The following OR6N1 variants were observed in gnomAD, a reference collection of about 807,000 sequenced individuals.
OR6N1 encodes the protein olfactory receptor family 6 subfamily N member 1.
For synonymous variants in OR6N1, 170 were observed against 150.7 expected (o/e 1.13, Z -0.94); for missense variants, 394 against 371.7 (o/e 1.06, Z -0.49).
At position 158,766,423 on chromosome 1, in the gene OR6N1, C is replaced by G. The variant is rs143504576; in HGVS notation, c.260G>C (p.Ser87Thr). ...TIPKMLANLL[S>T]EKKTISFSGC... ...AGAGAATGAAATGGTCTTTTTCTCA[C>G]TGAGCAAGTTTGCCAGCATCTTAGG... Residue 87 changes from serine to threonine, a missense_variant, in exon 2 of 2, where the codon AGT becomes ACT. Physicochemically the swap from Ser to Thr is moderately conservative, Grantham distance 58. Transcript: ENST00000641846. 5 of 1,613,990 alleles carry G rather than the reference C, an allele frequency of 3.1e-6. No homozygotes were observed. The African/African-American group carries it at 6.7e-5, about 22-fold the overall frequency.
At chr1:158,826,660 A>G in the OR6N1 span, among the ~76,000 whole-genome samples, 1 of 152,218 alleles carries the variant, frequency 6.6e-6, no homozygotes, top group Non-Finnish European at 1.5e-5. Context: ...CCCAAAGGTG[A>G]CCTGTGATAG....
rs955907829 is a variant in OR6N1, at chr1:158,770,891, T to C, written c.-19+1130A>G. ...CTCTCCATTTTTGAAATGTTTTAGT[T>C]TACAACTGTCCTTTCCAATGACCAG... On this transcript the variant is annotated intron_variant, in intron 1 of 1. Transcript: ENST00000641846. Among the ~76,000 whole-genome samples, 4 of 152,316 alleles carry C rather than the reference T, an allele frequency of 2.6e-5. No individual in the cohort carries two copies. The South Asian group carries it at 8.3e-4, about 32-fold the overall frequency.
intron 1 of OR6N1, among the ~76,000 whole-genome samples, chr1:158,771,428 C>A (rs1657421428): frequency 6.6e-6 from 1 of 152,158 alleles, no homozygotes; most frequent in South Asian, 2.1e-4. Context: ...ATGACTTGTG[C>A]AGCTCTTTAG....
chr1:158,803,838 T>C, the OR6N1 span, among the ~76,000 whole-genome samples: 1 of 152,232 alleles, frequency 6.6e-6, no homozygotes, highest in Non-Finnish European at 1.5e-5. Context: ...GAACATTGTT[T>C]CTTCTCTTTT....
At chr1:158,774,491 A>C (rs936054348), upstream of OR6N1, 1 of 152,136 alleles carries the variant, frequency 6.6e-6, no homozygotes, top group East Asian at 1.9e-4. Context: ...CTCACTACAC[A>C]TGCCCCACAT....
chr1:158,816,369 T>A, the OR6N1 span, among the ~76,000 whole-genome samples: 1 of 152,002 alleles, frequency 6.6e-6, no homozygotes, highest in Non-Finnish European at 1.5e-5. Flanking sequence ...TTTTTAAACA[T>A]AAGGAAAGAG....
chr1:158,827,343 C>T, the OR6N1 span, among the ~76,000 whole-genome samples: 38 of 152,172 alleles, frequency 2.5e-4, no homozygotes, highest in Non-Finnish European at 4.0e-4. Flanking sequence ...TATTTAGACA[C>T]CAGTGGCTAA....
chr1:158,776,613 T>A (rs889764249), upstream of OR6N1: 15 of 826,722 alleles, frequency 1.8e-5, no homozygotes, highest in African/African-American at 2.6e-4. Context: ...GCATGTGTGA[T>A]GATGGGAAGA....
the OR6N1 span, among the ~76,000 whole-genome samples, chr1:158,830,968 G>A: frequency 6.6e-6 from 1 of 152,106 alleles, no homozygotes; most frequent in African/African-American, 2.4e-5. Context: ...TCAAGTTCTG[G>A]TAGCAATAGA....
the OR6N1 span, among the ~76,000 whole-genome samples, chr1:158,788,283 A>T: frequency 6.6e-6 from 1 of 152,220 alleles, no homozygotes; most frequent in South Asian, 2.1e-4. Flanking sequence ...CTAGAAGTCT[A>T]TCATAAGCAC....
chr1:158,794,193 T>C, the OR6N1 span, among the ~76,000 whole-genome samples: 99,795 of 152,060 alleles, frequency 0.66, 34,834 homozygotes, highest in African/African-American at 0.91. Flanking sequence ...GCTTTGTTTG[T>C]AGTAGTAATC....
the OR6N1 span, among the ~76,000 whole-genome samples, chr1:158,785,660 G>T: frequency 6.6e-6 from 1 of 152,138 alleles, no homozygotes; most frequent in African/African-American, 2.4e-5. Flanking sequence ...GAGACATTGT[G>T]CAAAGTACCT....
the OR6N1 span, among the ~76,000 whole-genome samples, chr1:158,792,922 G>A: frequency 6.6e-6 from 1 of 152,200 alleles, no homozygotes; most frequent in East Asian, 1.9e-4. Flanking sequence ...ATAATTATTA[G>A]GTTTTGCCAC....
Position 158,766,496 on chromosome 1 carries a change from C to T in OR6N1, c.187G>A (p.Val63Ile). 4 of 1,614,126 alleles carry T rather than the reference C, an allele frequency of 2.5e-6. No homozygotes were observed. Among genetic ancestry groups the T allele is most frequent in the Non-Finnish European group, 3.4e-6 (4 of 1,180,036 alleles). ...AGCTCTGAGAAGGAGAGAATGCTGA[C>T]AAAGTGGTACATGGGTGTGTGAAGC... Reference protein sequence around the residue: ...SRLHTPMYHFVSILSFSELGY... With the variant: ...SRLHTPMYHFISILSFSELGY... Residue 63 changes from valine to isoleucine, a missense_variant, in exon 2 of 2, where the codon GTC becomes ATC. Val to Ile is a conservative substitution (Grantham distance 29, BLOSUM62 3). Transcript: ENST00000641846.
the OR6N1 span, among the ~76,000 whole-genome samples, chr1:158,779,823 T>A: frequency 6.6e-6 from 1 of 152,224 alleles, no homozygotes; most frequent in Admixed American, 6.5e-5. Flanking sequence ...AGAAAAAGAA[T>A]TATTTATTCA....
At chr1:158,818,486 A>C in the OR6N1 span, among the ~76,000 whole-genome samples, 1 of 152,196 alleles carries the variant, frequency 6.6e-6, no homozygotes, top group Non-Finnish European at 1.5e-5. Context: ...TAAGCCAGGA[A>C]CAGAGTAAGC....
chr1:158,839,643 G>C, the OR6N1 span, among the ~76,000 whole-genome samples: 2 of 152,126 alleles, frequency 1.3e-5, no homozygotes, highest in African/African-American at 4.8e-5. Flanking sequence ...CTATTCCAAA[G>C]GAAGAATGAG....
the OR6N1 span, among the ~76,000 whole-genome samples, chr1:158,794,158 C>T: frequency 1.3e-5 from 2 of 152,290 alleles, no homozygotes; most frequent in East Asian, 3.9e-4. Flanking sequence ...TGCACCCATG[C>T]TGATTTCCCA....
At chr1:158,786,989 GA>G in the OR6N1 span, among the ~76,000 whole-genome samples, 2 of 152,050 alleles carry the variant, frequency 1.3e-5, no homozygotes, top group Non-Finnish European at 2.9e-5. Flanking sequence ...AAATACTATT[GA>G]TTTTTTTTTA....
Sources: allele counts gnomAD v4.1 joint callset (sites outside exome capture counted in the v4.1 genomes callset), GRCh38; gene constraint gnomAD v4.1.1; transcripts MANE v1.5; gene names NCBI Gene and HGNC (gene_info 2026-07-23, HGNC 2026-07-21).